Variants in CDK14 observed in about 807,000 individuals in gnomAD.
CDK14 encodes the protein cyclin dependent kinase 14.
A neutral mutation model predicts 60.7 loss-of-function variants in CDK14; 34 were observed. That is an observed-to-expected ratio of 0.56 (90% CI 0.43 to 0.75). The LOEUF (loss-of-function observed/expected upper bound fraction) is 0.75. Ranked by LOEUF, CDK14 falls within the 30% of genes least tolerant of loss-of-function variation. The pLI, the probability that CDK14 is intolerant of heterozygous loss-of-function variation, is 0.00. For missense variants in CDK14, 482 were observed against 564.1 expected (o/e 0.85, Z 1.47); for synonymous variants, 197 against 203.7 (o/e 0.97, Z 0.28).
intron 5 of CDK14, among the ~76,000 whole-genome samples, chr7:90,805,397 A>G (rs1788784760): frequency 6.6e-6 from 1 of 151,584 alleles, no homozygotes; most frequent in African/African-American, 2.4e-5. Flanking sequence ...TATTCGTGTT[A>G]AAGGCTTAAC....
At position 90,618,349 on chromosome 7, in the gene CDK14, C is replaced by T. The variant is rs78387544; in HGVS notation, c.123+14100C>T. On this transcript the variant is annotated intron_variant, in intron 2 of 14. Coordinates refer to ENST00000380050, the MANE Select transcript of CDK14 (RefSeq NM_001287135.2). ...TCTCTCTTTCTCTCCTTTTCCTTTACGTAAACATAAAATGCTTCCAATTCA... is the reference window on the plus strand; with the variant it reads ...TCTCTCTTTCTCTCCTTTTCCTTTATGTAAACATAAAATGCTTCCAATTCA... Among the ~76,000 whole-genome samples, 211 of 152,188 alleles carry T rather than the reference C, an allele frequency of 1.4e-3. 3 individuals are homozygous for T. The East Asian group carries it at 0.034, about 25-fold the overall frequency.
intron 2 of CDK14, among the ~76,000 whole-genome samples, chr7:90,605,986 CTG>C (rs1799410110): frequency 6.6e-6 from 1 of 152,220 alleles, no homozygotes; most frequent in African/African-American, 2.4e-5. Context: ...TCTGAAACCT[CTG>C]TATAGTCAAA....
intron 11 of CDK14, among the ~76,000 whole-genome samples, chr7:91,047,283 A>G (rs1275289966): frequency 6.6e-6 from 1 of 152,262 alleles, no homozygotes; most frequent in African/African-American, 2.4e-5. Context: ...ATAAAGTTAG[A>G]TGCAAAAAGG....
chr7:90,737,413 G>T (rs1357895442), intron 3 of CDK14, among the ~76,000 whole-genome samples: 1 of 152,136 alleles, frequency 6.6e-6, no homozygotes, highest in African/African-American at 2.4e-5. Flanking sequence ...GTGGGAGGAG[G>T]GTGCAAACCT....
At chr7:90,710,160 C>T in intron 2 of CDK14, 1 of 985,266 alleles carries the variant, frequency 1.0e-6, no homozygotes, top group Non-Finnish European at 1.2e-6. Context: ...GGAGGTTACT[C>T]ATGGGAGAGT....
At position 90,596,399 on chromosome 7, in the gene CDK14, GCAC is replaced by G. The variant is rs1272742499; in HGVS notation, c.-225_-223del. 1 of 254,778 alleles carries G rather than the reference GCAC, an allele frequency of 3.9e-6. No homozygotes were observed. Among genetic ancestry groups the G allele is most frequent in the African/African-American group, 2.3e-5 (1 of 43,928 alleles). The allele number at this position is 254,778 out of a possible 1,614,324, so 15.8% of individuals were successfully genotyped here. On this transcript the variant is annotated 5_prime_UTR_variant, in exon 1 of 15. Coordinates refer to ENST00000380050, the MANE Select transcript of CDK14 (RefSeq NM_001287135.2). ...GCGGCGGCGAGCGCGGCCGCCCCCG[GCAC>G]CACGTAAACCGCCCCCGCCCGCCCA...
chr7:90,846,842 T>A (rs1790486074), intron 5 of CDK14, among the ~76,000 whole-genome samples: 1 of 152,136 alleles, frequency 6.6e-6, no homozygotes. Flanking sequence ...CTGTATAGGC[T>A]CCTGCCCTCC....
At chr7:90,868,482 C>G (rs967086728) in intron 6 of CDK14, among the ~76,000 whole-genome samples, 1 of 151,854 alleles carries the variant, frequency 6.6e-6, no homozygotes, top group African/African-American at 2.4e-5. Flanking sequence ...CTCAATAAAG[C>G]TGTGAAACAA....
At chr7:90,906,800 T>C (rs1792722991) in intron 7 of CDK14, among the ~76,000 whole-genome samples, 1 of 152,060 alleles carries the variant, frequency 6.6e-6, no homozygotes, top group Non-Finnish European at 1.5e-5. Flanking sequence ...TAGCTCCTGA[T>C]TTCATAGTAA....
intron 5 of CDK14, among the ~76,000 whole-genome samples, chr7:90,813,234 C>T (rs1427146021): frequency 6.6e-6 from 1 of 152,172 alleles, no homozygotes; most frequent in African/African-American, 2.4e-5. Context: ...ACAATCTCAG[C>T]TCCCAGAACT....
At chr7:90,844,482 G>C (rs1172677871) in intron 5 of CDK14, among the ~76,000 whole-genome samples, 1 of 152,196 alleles carries the variant, frequency 6.6e-6, no homozygotes, top group Non-Finnish European at 1.5e-5. Flanking sequence ...CTAAATTCCT[G>C]TGCTGGGCTG....
intron 11 of CDK14, among the ~76,000 whole-genome samples, chr7:91,063,687 G>A (rs551446604): frequency 2.6e-5 from 4 of 152,328 alleles, no homozygotes; most frequent in African/African-American, 9.6e-5. Flanking sequence ...AGTTAGAGGA[G>A]CATCAACGTA....
At chr7:91,139,785 C>CTTTCTTTCTTT (rs748070645) in intron 14 of CDK14, among the ~76,000 whole-genome samples, 1 of 146,254 alleles carries the variant, frequency 6.8e-6, no homozygotes, top group South Asian at 2.2e-4. Context: ...TTTTTTCTTT[C>CTTTCTTTCTTT]CTTTCTTTCT....
chr7:90,709,535 A>T, intron 2 of CDK14: 1 of 1,612,754 alleles, frequency 6.2e-7, no homozygotes, highest in Non-Finnish European at 8.5e-7. Flanking sequence ...AATTGCCTTG[A>T]CAGCATATGC....
chr7:90,890,201 C>A (rs1461249809), intron 6 of CDK14, among the ~76,000 whole-genome samples: 1 of 152,124 alleles, frequency 6.6e-6, no homozygotes, highest in South Asian at 2.1e-4. Context: ...AGTGAGAGTC[C>A]GTTTCTGTAA....
At chr7:91,052,653 T>C (rs1451949450) in intron 11 of CDK14, among the ~76,000 whole-genome samples, 2 of 152,118 alleles carry the variant, frequency 1.3e-5, no homozygotes, top group Non-Finnish European at 2.9e-5. Context: ...CACTGTGAAG[T>C]TCAGTGAGGA....
chr7:91,204,811 G>C (rs991136015), intron 14 of CDK14, among the ~76,000 whole-genome samples: 1 of 152,144 alleles, frequency 6.6e-6, no homozygotes, highest in Non-Finnish European at 1.5e-5. Flanking sequence ...GCCAGGCATG[G>C]TGATGTGTGC....
At chr7:91,141,403 TG>T (rs1800453327) in intron 14 of CDK14, among the ~76,000 whole-genome samples, 1 of 152,178 alleles carries the variant, frequency 6.6e-6, no homozygotes, top group African/African-American at 2.4e-5. Context: ...AGGCCAAGTC[TG>T]GTGGTATAAA....
At chr7:90,664,380 G>A (rs543442028) in intron 2 of CDK14, among the ~76,000 whole-genome samples, 12 of 152,256 alleles carry the variant, frequency 7.9e-5, no homozygotes, top group Admixed American at 2.6e-4. Context: ...AGTCGGTGTG[G>A]CGATTCCTCA....
Sources: gnomAD v4.1 joint callset for allele counts (sites outside exome capture counted in the v4.1 genomes callset) on GRCh38, gnomAD v4.1.1 for gene constraint, MANE v1.5 for transcripts, NCBI Gene and HGNC (gene_info 2026-07-23, HGNC 2026-07-21) for gene names.